CLSTN1: variants seen among roughly 807,000 people sequenced by gnomAD.
CLSTN1 encodes the protein calsyntenin 1, also known as calsyntenin-1.
CLSTN1 carries 28 observed loss-of-function variants against 108.3 expected under a neutral mutation model. The ratio of observed to expected loss-of-function variants is 0.26; its 90% CI spans 0.19 to 0.35. The LOEUF is 0.35. Among genes scored for constraint, CLSTN1 ranks in the 10% least tolerant of loss-of-function variants. CLSTN1 has a pLI of 1.00. For missense variants in CLSTN1, 1,157 were observed against 1,302.6 expected (o/e 0.89, Z 1.72); for synonymous variants, 524 against 534.9 (o/e 0.98, Z 0.28).
intron 1 of CLSTN1, among the ~76,000 whole-genome samples, chr1:9,818,677 A>C (rs1655076492): frequency 6.6e-6 from 1 of 151,782 alleles, no homozygotes; most frequent in Admixed American, 6.6e-5. Flanking sequence ...AATTTCCACC[A>C]ATCTTGAATC....
intron 1 of CLSTN1, among the ~76,000 whole-genome samples, chr1:9,796,177 G>T (rs1653985445): frequency 6.7e-6 from 1 of 149,812 alleles, no homozygotes; most frequent in Non-Finnish European, 1.5e-5. Flanking sequence ...CAGGAGAACT[G>T]CTTGAACCTA....
Position 9,730,313 on chromosome 1 carries a change from TG to T in CLSTN1, c.*194del, listed in dbSNP as rs1354997429. The T allele has an allele frequency of 3.2e-6, 2 of 633,156 alleles. No individual in the cohort carries two copies. The highest frequency in any genetic ancestry group is 3.6e-5 in the African/African-American group (2 of 55,088). 39.2% of individuals were successfully genotyped at this position (633,156 alleles called of 1,614,324 possible). The stretch of plus-strand genomic sequence containing the variant: ...AGGACGTGTCAGCTCCTCGTGGGAC[TG>T]AAGAGCGCGACCAGGCAGAGGGTGG... On this transcript the variant is annotated 3_prime_UTR_variant, in exon 19 of 19. Coordinates refer to ENST00000377298, the MANE Select transcript of CLSTN1 (RefSeq NM_001009566.3). The surrounding 1 kb of genome is among the most constrained non-coding windows in gnomAD (Gnocchi z 5.6).
At chr1:9,773,933 G>C (rs1652813681) in intron 1 of CLSTN1, among the ~76,000 whole-genome samples, 1 of 151,600 alleles carries the variant, frequency 6.6e-6, no homozygotes. Flanking sequence ...GTACAGACAG[G>C]GTTTCACCAT....
At chr1:9,761,812 A>C (rs1652088269) in intron 2 of CLSTN1, among the ~76,000 whole-genome samples, 1 of 152,180 alleles carries the variant, frequency 6.6e-6, no homozygotes, top group South Asian at 2.1e-4. Flanking sequence ...TACGTATAAC[A>C]GCTAAGGTTC....
chr1:9,756,625 G>T, intron 2 of CLSTN1, 115 bp from the exon 3 acceptor site: 3 of 812,328 alleles, frequency 3.7e-6, no homozygotes, highest in South Asian at 1.7e-5. Context: ...CAAGCTCAGC[G>T]ACCGGCTTCT....
chr1:9,754,996 T>C lies in CLSTN1; in HGVS notation c.440+118A>G, dbSNP rs1651742925. The C allele has an allele frequency of 2.8e-5, 21 of 750,804 alleles. No homozygotes were observed. The South Asian group carries it at 3.5e-4, about 13-fold the overall frequency. The allele number at this position is 750,804 out of a possible 1,614,324, so 46.5% of individuals were successfully genotyped here. A position where few individuals can be genotyped will look rare whatever the true frequency, so the allele number is the denominator to read the frequency against. ...AATCTAATTGTAGACACTTGAGAACTATCTTCTGCCTATTTCAAAAACAGT... is the reference window on the plus strand; with the variant it reads ...AATCTAATTGTAGACACTTGAGAACCATCTTCTGCCTATTTCAAAAACAGT... On this transcript the variant is annotated intron_variant, in intron 4 of 18. Transcript: ENST00000377298.
intron 1 of CLSTN1, among the ~76,000 whole-genome samples, chr1:9,812,576 G>A (rs1230694450): frequency 2.6e-5 from 4 of 152,192 alleles, no homozygotes; most frequent in African/African-American, 4.8e-5. Context: ...GCTGGGCACG[G>A]TGGCTCATGC....
chr1:9,814,353 G>A (rs1199387083), intron 1 of CLSTN1, among the ~76,000 whole-genome samples: 1 of 151,902 alleles, frequency 6.6e-6, no homozygotes, highest in Non-Finnish European at 1.5e-5. Context: ...GACGGAGATT[G>A]CAGTGAGCTG....
intron 1 of CLSTN1, among the ~76,000 whole-genome samples, chr1:9,808,825 C>T (rs1433817135): frequency 1.3e-5 from 2 of 152,058 alleles, no homozygotes; most frequent in African/African-American, 2.4e-5. Context: ...CCCCAGCTTA[C>T]CTGTCTGTAC....
chr1:9,778,376 A>C (rs569033979), intron 1 of CLSTN1, among the ~76,000 whole-genome samples: 23 of 152,274 alleles, frequency 1.5e-4, no homozygotes, highest in African/African-American at 5.1e-4. Flanking sequence ...AAGAAACCTC[A>C]AATGCGCAAA....
chr1:9,773,487 A>G (rs1570475897), intron 1 of CLSTN1, 93 bp from the exon 2 acceptor site: 1 of 1,338,820 alleles, frequency 7.5e-7, no homozygotes, highest in Admixed American at 2.6e-5. Context: ...TATTAAAATA[A>G]TAAAACTCTC....
chr1:9,796,271 A>C (rs991277581), intron 1 of CLSTN1, among the ~76,000 whole-genome samples: 4 of 144,194 alleles, frequency 2.8e-5, no homozygotes, highest in African/African-American at 5.6e-5. Flanking sequence ...AAAAACAAAA[A>C]AAAAAACAAA....
At chr1:9,791,340 T>C (rs1468328206) in intron 1 of CLSTN1, among the ~76,000 whole-genome samples, 2 of 151,312 alleles carry the variant, frequency 1.3e-5, no homozygotes. Flanking sequence ...ACTCCTGGAC[T>C]CCAGAAATCC....
At chr1:9,740,462 T>C (rs945941710) in intron 10 of CLSTN1, among the ~76,000 whole-genome samples, 17 of 152,118 alleles carry the variant, frequency 1.1e-4, no homozygotes, top group Admixed American at 9.8e-4. Flanking sequence ...TCTTCAGCTA[T>C]AAAAAAGGGA....
chr1:9,744,349 T>C (rs1393730507), intron 8 of CLSTN1, 46 bp downstream of exon 8: 19 of 1,569,626 alleles, frequency 1.2e-5, no homozygotes, highest in Non-Finnish European at 1.6e-5. Flanking sequence ...GCACCCACCC[T>C]ACTGGACACT....
rs1354093613 is a variant in CLSTN1, at chr1:9,823,841, A to G, written c.-108T>C. The G allele has an allele frequency of 2.4e-5, 11 of 452,006 alleles. No homozygotes were observed. The Admixed American group carries it at 5.6e-4, about 23-fold the overall frequency. 28.0% of individuals were successfully genotyped at this position (452,006 alleles called of 1,614,324 possible). A position where few individuals can be genotyped will look rare whatever the true frequency, so the allele number is the denominator to read the frequency against. ...GGGCTAGCTGCTCCGCGGCGCGGGG[A>G]GCTCCGGGGGTCCAAGGAGGAGCCG... On this transcript the variant is annotated 5_prime_UTR_variant, in exon 1 of 19. Transcript: ENST00000377298. This position sits in a 1 kb window ranked among gnomAD's most constrained non-coding sequence, Gnocchi z 6.3.
chr1:9,781,652 A>G (rs1316537555), intron 1 of CLSTN1, among the ~76,000 whole-genome samples: 1 of 152,128 alleles, frequency 6.6e-6, no homozygotes, highest in East Asian at 1.9e-4. Flanking sequence ...CATGTTGGTC[A>G]GGCTGGTCTT....
At chr1:9,739,080 G>A (rs1650841828) in intron 10 of CLSTN1, among the ~76,000 whole-genome samples, 1 of 152,192 alleles carries the variant, frequency 6.6e-6, no homozygotes, top group East Asian at 1.9e-4. Flanking sequence ...GGGTCAAGGT[G>A]GGAATCATGA....
intron 10 of CLSTN1, among the ~76,000 whole-genome samples, chr1:9,738,196 G>A (rs556958998): frequency 2.0e-5 from 3 of 152,304 alleles, no homozygotes; most frequent in South Asian, 4.1e-4. Context: ...CATAGCCTAC[G>A]GTGGACCTGG....
Sources: gnomAD v4.1 joint callset for allele counts (sites outside exome capture counted in the v4.1 genomes callset) on GRCh38, gnomAD v4.1.1 for gene constraint, Gnocchi (gnomAD v3.1) non-coding constraint, MANE v1.5 for transcripts, NCBI Gene and HGNC (gene_info 2026-07-23, HGNC 2026-07-21) for gene names.